MICALL1: variants seen among roughly 807,000 people sequenced by gnomAD.
MICALL1 encodes the protein MICAL-like protein 1.
Under a neutral mutation model 83.7 loss-of-function variants are expected in MICALL1, and 61 were observed. The ratio of observed to expected loss-of-function variants is 0.73; its 90% CI spans 0.59 to 0.90. MICALL1 has a LOEUF of 0.90. MICALL1 is among the 40% of genes least tolerant of loss of function. The probability of loss-of-function intolerance (pLI) is 0.00; values close to 1 mark genes in which losing one functional copy is unlikely to be tolerated. For missense variants in MICALL1, 1,066 were observed against 1,152.0 expected (o/e 0.93, Z 1.08); for synonymous variants, 481 against 473.6 (o/e 1.02, Z -0.20).
intron 7 of MICALL1, among the ~76,000 whole-genome samples, chr22:37,925,221 C>T (rs1218991662): frequency 2.6e-5 from 4 of 152,134 alleles, no homozygotes; most frequent in African/African-American, 9.7e-5. Flanking sequence ...CAGTTGTTAA[C>T]GTTTACTGAG....
intron 3 of MICALL1, among the ~76,000 whole-genome samples, chr22:37,912,863 A>G (rs1443818584): frequency 2.6e-5 from 4 of 151,088 alleles, no homozygotes; most frequent in Non-Finnish European, 5.9e-5. Context: ...GGGTTTCACT[A>G]TGTTGGCCAG....
chr22:37,935,846 C>T (rs1392454101), intron 13 of MICALL1, among the ~76,000 whole-genome samples: 1 of 152,008 alleles, frequency 6.6e-6, no homozygotes, highest in Non-Finnish European at 1.5e-5. Context: ...TCTCCTGCCT[C>T]AGCCTCCCTA....
At chr22:37,911,883 C>A in intron 1 of MICALL1, 69 bp from the exon 2 acceptor site, 1 of 1,509,820 alleles carries the variant, frequency 6.6e-7, no homozygotes, top group Non-Finnish European at 9.2e-7. Context: ...TCCTTTCTGA[C>A]TCTGACCCCG....
Position 37,925,748 on chromosome 22 carries a change from C to CA in MICALL1, c.1171dup (p.Ser391LysfsTer35). ...AGCCAGCCCCACTTCCCCCAAGCAG[C>CA]AGCCCGGGGCCACCAAGCCAGGACA... On this transcript the variant is annotated frameshift_variant, in exon 8 of 16. Transcript: ENST00000215957. LOFTEE classifies it high-confidence loss of function. 1 of 1,612,600 alleles carries CA rather than the reference C, an allele frequency of 6.2e-7. No individual in the cohort carries two copies. The highest frequency in any genetic ancestry group is 8.5e-7 in the Non-Finnish European group (1 of 1,179,846).
Position 37,932,696 on chromosome 22 carries a change from G to T in MICALL1, c.2143+17G>T. The T allele has an allele frequency of 6.2e-7, 1 of 1,612,918 alleles. No homozygotes were observed. The highest frequency in any genetic ancestry group is 1.7e-4 in the Middle Eastern group (1 of 6,056). On this transcript the variant is annotated intron_variant, in intron 11 of 15. Coordinates refer to ENST00000215957, the MANE Select transcript of MICALL1 (RefSeq NM_033386.4). The surrounding 1 kb of genome is among the most constrained non-coding windows in gnomAD (Gnocchi z 4.4). ...GCCTGAATGGTGCGGGAGCGGCTGG[G>T]AGGGCCTGCTGGGTGGGGCTGGGGG...
At position 37,927,790 on chromosome 22, in the gene MICALL1, T is replaced by G; in HGVS notation, c.1845T>G (p.Pro615=). 1 of 1,611,606 alleles carries G rather than the reference T, an allele frequency of 6.2e-7. No homozygotes were observed. The highest frequency in any genetic ancestry group is 8.5e-7 in the Non-Finnish European group (1 of 1,178,674). The part of the protein sequence containing the change: ...LLLVGDRSPV[P]SPGSSSPQLQ... ...TGGTTGGAGACAGGAGCCCGGTGCC[T>G]TCCCCTGGAAGCTCGTCCCCACAGC... is the stretch of plus-strand genomic sequence containing the variant. The change falls in exon 9 of 16, where the codon CCT becomes CCG. Residue 615 remains proline, a synonymous_variant. Coordinates refer to ENST00000215957, the MANE Select transcript of MICALL1 (RefSeq NM_033386.4).
At chr22:37,907,374 A>G (rs1471445982) in intron 1 of MICALL1, 1 of 152,344 alleles carries the variant, frequency 6.6e-6, no homozygotes, top group Admixed American at 6.5e-5. Context: ...GGGAAAATGC[A>G]TTCAGACTCC....
chr22:37,933,165 C>A, intron 13 of MICALL1, 53 bp downstream of exon 13: 1 of 1,573,678 alleles, frequency 6.4e-7, no homozygotes, highest in Non-Finnish European at 8.7e-7. Context: ...CCTGGTGACA[C>A]GGAGGAGTGG....
At chr22:37,915,987 G>T (rs980294999) in intron 3 of MICALL1, among the ~76,000 whole-genome samples, 9 of 151,534 alleles carry the variant, frequency 5.9e-5, no homozygotes, top group African/African-American at 2.2e-4. Context: ...ACTGATTAGC[G>T]TTTAGCTGGA....
At position 37,906,530 on chromosome 22, in the gene MICALL1, CT is replaced by C; in HGVS notation, c.110del (p.Phe37SerfsTer13). The C allele has an allele frequency of 8.1e-7, 1 of 1,229,840 alleles. No homozygotes were observed. Among genetic ancestry groups the C allele is most frequent in the South Asian group, 2.9e-5 (1 of 34,392 alleles). The allele number at this position is 1,229,840 out of a possible 1,614,324, so 76.2% of individuals were successfully genotyped here. ...GCAGCTCCTTCCGGGACGGCCTGGC[CT>C]TCTGCGCCATCCTGCACCGGCACCG... ...LSSSFRDGLAFCAILHRHRPD... is the reference protein window; with the variant it reads ...LSSSFRDGLAXCAILHRHRPD... On this transcript the variant is annotated frameshift_variant, in exon 1 of 16. Transcript: ENST00000215957. LOFTEE classifies it high-confidence loss of function. This position sits in a 1 kb window ranked among gnomAD's most constrained non-coding sequence, Gnocchi z 4.4.
intron 6 of MICALL1, among the ~76,000 whole-genome samples, 173 bp downstream of exon 6, chr22:37,922,599 ATATTTTTTTTTTTT>A (rs1365573946): frequency 2.4e-4 from 17 of 69,640 alleles, no homozygotes; most frequent in African/African-American, 1.0e-3. Flanking sequence ...ATATATATAT[ATATTTTTTTTTTTT>A]TTTTTTTTTT....
At chr22:37,921,865 G>A in intron 5 of MICALL1, 107 bp from the exon 6 acceptor site, 2 of 1,095,356 alleles carry the variant, frequency 1.8e-6, no homozygotes, top group Non-Finnish European at 2.6e-6. Flanking sequence ...TTGGCTGGCA[G>A]TTGGGAGGAG....
chr22:37,927,299 G>A, intron 8 of MICALL1, 112 bp from the exon 9 acceptor site: 2 of 1,259,442 alleles, frequency 1.6e-6, no homozygotes, highest in Admixed American at 5.7e-5. Flanking sequence ...CGATGTGGAG[G>A]GCTTGGGTTT....
chr22:37,908,268 C>T (rs1186026254), intron 1 of MICALL1, among the ~76,000 whole-genome samples: 9 of 151,480 alleles, frequency 5.9e-5, no homozygotes, highest in Non-Finnish European at 1.3e-4. Flanking sequence ...ACATTAGTTA[C>T]TGTGAGTAAC....
chr22:37,927,257 C>T lies in MICALL1; in HGVS notation c.1466-154C>T, dbSNP rs185924172. Reference sequence around the variant, plus strand: ...ACCTCATGACTTCCGTCCTGCCGGGCGTTTGCTGTTCCCTGGGCCTTGGCC... The same window carrying T: ...ACCTCATGACTTCCGTCCTGCCGGGTGTTTGCTGTTCCCTGGGCCTTGGCC... On this transcript the variant is annotated intron_variant, in intron 8 of 15. Transcript: ENST00000215957. 1.6e-4 allele frequency: 136 copies of T among 854,124 alleles called. No homozygotes were observed. In the Admixed American group the frequency reaches 4.0e-3, roughly 25 times the overall value. 52.9% of individuals were successfully genotyped at this position (854,124 alleles called of 1,614,324 possible). A position where few individuals can be genotyped will look rare whatever the true frequency, so the allele number is the denominator to read the frequency against.
chr22:37,934,757 C>T (rs543675910), intron 13 of MICALL1, among the ~76,000 whole-genome samples: 41 of 150,940 alleles, frequency 2.7e-4, no homozygotes, highest in African/African-American at 9.5e-4. Flanking sequence ...CCACCACGCC[C>T]GGCTAATTTT....
intron 6 of MICALL1, 52 bp downstream of exon 6, chr22:37,922,478 A>G: frequency 7.3e-7 from 1 of 1,370,780 alleles, no homozygotes; most frequent in Non-Finnish European, 9.7e-7. Context: ...TGCACTGTCT[A>G]TTGAAAAGTC....
chr22:37,908,773 AC>A (rs1928129471), intron 1 of MICALL1, among the ~76,000 whole-genome samples: 1 of 152,092 alleles, frequency 6.6e-6, no homozygotes, highest in Non-Finnish European at 1.5e-5. Flanking sequence ...AATTCCATGT[AC>A]CCTATCAGAG....
rs747641487 is a variant in MICALL1, at chr22:37,922,152, G to C, written c.750G>C (p.Lys250Asn). 6.2e-7 allele frequency: 1 copy of C among 1,613,242 alleles called. No homozygotes were observed. Among genetic ancestry groups the C allele is most frequent in the Non-Finnish European group, 8.5e-7 (1 of 1,180,004 alleles). Residue 250 changes from lysine to asparagine, a missense_variant, in exon 6 of 16, where the codon AAG becomes AAC. Physicochemically the swap from Lys to Asn is moderately conservative, Grantham distance 94. Transcript: ENST00000215957. ...AGCAGCAACTCGCAGAAGATGCCAA[G>C]GATGTTCCAGGAGGCGGCCCCAGCT... ...QHQQQLAEDA[K>N]DVPGGGPSSS...
Sources: gnomAD v4.1 joint callset for allele counts (sites outside exome capture counted in the v4.1 genomes callset) on GRCh38, gnomAD v4.1.1 for gene constraint, Gnocchi (gnomAD v3.1) non-coding constraint, MANE v1.5 for transcripts, NCBI Gene and HGNC (gene_info 2026-07-23, HGNC 2026-07-21) for gene names.